The following SH3BP4 variants were observed in gnomAD, a reference collection of about 807,000 sequenced individuals.
SH3BP4 encodes SH3 domain-binding protein 4.
Under a neutral mutation model 65.5 loss-of-function variants are expected in SH3BP4, and 33 were observed. The observed-to-expected ratio is 0.50, with a 90% CI of 0.38 to 0.67. The LOEUF is 0.67. Ranked by LOEUF, SH3BP4 falls within the 30% of genes least tolerant of loss-of-function variation. The probability of loss-of-function intolerance (pLI) is 0.00; values close to 1 mark genes in which losing one functional copy is unlikely to be tolerated. For synonymous variants in SH3BP4, 552 were observed against 545.5 expected, an observed-to-expected ratio of 1.01 and a Z score of -0.17; for missense variants, 1,134 against 1,261.4, an observed-to-expected ratio of 0.90 and a Z score of 1.53.
At chr2:234,955,395 C>T (rs910272952) in intron 1 of SH3BP4, among the ~76,000 whole-genome samples, 1 of 152,126 alleles carries the variant, frequency 6.6e-6, no homozygotes, top group Non-Finnish European at 1.5e-5. Context: ...CATCTAGCCC[C>T]CAAATACCCA....
chr2:235,026,867 GC>G lies in SH3BP4; in HGVS notation c.-132-8002del, dbSNP rs1256130607. On this transcript the variant is annotated intron_variant, in intron 2 of 5. Coordinates refer to ENST00000392011, the MANE Select transcript of SH3BP4 (RefSeq NM_014521.3). The surrounding 1 kb of genome is among the most constrained non-coding windows in gnomAD (Gnocchi z 4.6). ...GGCGTGCCTGTCGGTGGCTGCCCAT[GC>G]CTTCCGATGGGCCTTGCTGTTTTCT... Among the ~76,000 whole-genome samples, 1 of 152,188 alleles carries G rather than the reference GC, an allele frequency of 6.6e-6. No homozygotes were observed. Among genetic ancestry groups the G allele is most frequent in the Non-Finnish European group, 1.5e-5 (1 of 68,038 alleles).
intron 2 of SH3BP4, among the ~76,000 whole-genome samples, chr2:235,020,664 C>A: frequency 6.6e-6 from 1 of 152,186 alleles, no homozygotes; most frequent in East Asian, 1.9e-4. Context: ...ATTTTGAGTC[C>A]TCTTCCGACT....
At chr2:235,028,687 G>A (rs936249289) in intron 2 of SH3BP4, among the ~76,000 whole-genome samples, 10 of 152,172 alleles carry the variant, frequency 6.6e-5, no homozygotes, top group African/African-American at 2.4e-4. Flanking sequence ...ACAAGTCTGT[G>A]CATGGTGTGT....
chr2:234,978,004 G>A lies in SH3BP4; in HGVS notation c.-206-17299G>A, dbSNP rs1322156892. Among the ~76,000 whole-genome samples, 2 of 152,118 alleles carry A rather than the reference G, an allele frequency of 1.3e-5. No homozygotes were observed. Among genetic ancestry groups the A allele is most frequent in the African/African-American group, 4.8e-5 (2 of 41,422 alleles). ...GAGTTTGGCTCTTGTTGGCCAGGCT[G>A]GAGTGCAGTGGCGCCATCTCTGCTC... On this transcript the variant is annotated intron_variant, in intron 1 of 5. Transcript: ENST00000392011. The surrounding 1 kb of genome is among the most constrained non-coding windows in gnomAD (Gnocchi z 4.1).
chr2:235,038,654 T>C (rs1435630216), intron 3 of SH3BP4, among the ~76,000 whole-genome samples: 2 of 151,744 alleles, frequency 1.3e-5, no homozygotes, highest in African/African-American at 4.8e-5. Context: ...GCAAGTGTCA[T>C]GAGCTGGAGG....
intron 2 of SH3BP4, among the ~76,000 whole-genome samples, chr2:235,004,173 CTCAG>C (rs1223388196): frequency 6.6e-6 from 1 of 152,178 alleles, no homozygotes; most frequent in African/African-American, 2.4e-5. Context: ...AAAATATGCT[CTCAG>C]TGTCACAGTT....
chr2:235,022,971 C>G (rs985121608), intron 2 of SH3BP4, among the ~76,000 whole-genome samples: 1 of 152,146 alleles, frequency 6.6e-6, no homozygotes, highest in South Asian at 2.1e-4. Flanking sequence ...ATCTTTCTAG[C>G]CAGTAGCCCA....
chr2:235,053,633 C>A lies in SH3BP4; in HGVS notation c.2709C>A (p.Ser903Arg), dbSNP rs1358953953. 6.2e-7 allele frequency: 1 copy of A among 1,614,184 alleles called. No individual in the cohort carries two copies. Among genetic ancestry groups the A allele is most frequent in the East Asian group, 2.2e-5 (1 of 44,880 alleles). Residue 903 changes from serine to arginine, a missense_variant, in exon 6 of 6, where the codon AGC becomes AGA. Transcript: ENST00000392011. ...KPAYDFLLTWSHQIGDSYRDV... is the reference protein window; with the variant it reads ...KPAYDFLLTWRHQIGDSYRDV... ...CGTATGACTTCTTACTCACCTGGAGCCATCAGATCGGGGACAGCTACCGGG... is the reference window on the plus strand; with the variant it reads ...CGTATGACTTCTTACTCACCTGGAGACATCAGATCGGGGACAGCTACCGGG...
intron 2 of SH3BP4, among the ~76,000 whole-genome samples, chr2:235,031,342 A>G (rs1296950324): frequency 6.6e-6 from 1 of 152,146 alleles, no homozygotes; most frequent in Non-Finnish European, 1.5e-5. Context: ...CCCATCATCA[A>G]TAATAAACAC....
chr2:235,046,601 AGTTT>A lies in SH3BP4; in HGVS notation c.2478+3359_2478+3362del, dbSNP rs1357358210. Among the ~76,000 whole-genome samples the A allele has an allele frequency of 6.6e-6, 1 of 152,080 alleles. No individual in the cohort carries two copies. Among genetic ancestry groups the A allele is most frequent in the Non-Finnish European group, 1.5e-5 (1 of 68,016 alleles). ...ATAAAGGAAGAGAAGAAAAGAAACA[AGTTT>A]GTTTATGTTCTTGTGCACTTGTTTC... On this transcript the variant is annotated intron_variant, in intron 4 of 5. Coordinates refer to ENST00000392011, the MANE Select transcript of SH3BP4 (RefSeq NM_014521.3). This position sits in a 1 kb window ranked among gnomAD's most constrained non-coding sequence, Gnocchi z 4.2.
chr2:235,039,593 G>A (rs1695572054), intron 3 of SH3BP4, among the ~76,000 whole-genome samples: 1 of 152,096 alleles, frequency 6.6e-6, no homozygotes, highest in Non-Finnish European at 1.5e-5. Context: ...AGTTTGGGAG[G>A]TGGGGGAGGG....
chr2:235,032,900 C>T (rs1399555070), intron 2 of SH3BP4, among the ~76,000 whole-genome samples: 1 of 152,200 alleles, frequency 6.6e-6, no homozygotes, highest in Non-Finnish European at 1.5e-5. Context: ...AGCACACAGA[C>T]CTGACCGTCG....
chr2:235,042,701 G>T lies in SH3BP4; in HGVS notation c.1932G>T (p.Lys644Asn), dbSNP rs1286577461. 1 of 1,614,188 alleles carries T rather than the reference G, an allele frequency of 6.2e-7. No individual in the cohort carries two copies. Among genetic ancestry groups the T allele is most frequent in the South Asian group, 1.1e-5 (1 of 91,084 alleles). The change falls in exon 4 of 6, where the codon AAG (lysine) becomes AAT (asparagine). Residue 644 changes from lysine to asparagine, a missense_variant. Lys to Asn is a moderately conservative substitution (Grantham distance 94). Transcript: ENST00000392011. This position sits in a 1 kb window ranked among gnomAD's most constrained non-coding sequence, Gnocchi z 7.3. ...IILSPFATTTKYPTFQDRPVS... is the reference protein window; with the variant it reads ...IILSPFATTTNYPTFQDRPVS... ...TGTCCCCGTTTGCCACCACTACAAA[G>T]TACCCGACTTTCCAGGACCGCCCGG...
intron 1 of SH3BP4, among the ~76,000 whole-genome samples, chr2:234,975,900 G>A (rs1051325858): frequency 5.9e-5 from 9 of 152,098 alleles, no homozygotes; most frequent in African/African-American, 1.7e-4. Context: ...ATAAATAAAA[G>A]TAGTTTGACC....
At chr2:235,002,946 C>T (rs576937299) in intron 2 of SH3BP4, among the ~76,000 whole-genome samples, 11 of 152,356 alleles carry the variant, frequency 7.2e-5, no homozygotes, top group African/African-American at 2.6e-4. Flanking sequence ...AACAGGAATG[C>T]TGATTCCGTT....
intron 2 of SH3BP4, among the ~76,000 whole-genome samples, chr2:235,002,366 T>C (rs1454815993): frequency 1.3e-5 from 2 of 152,154 alleles, no homozygotes; most frequent in African/African-American, 4.8e-5. Flanking sequence ...GACAGGTGGG[T>C]TGAGCCAAAT....
intron 2 of SH3BP4, among the ~76,000 whole-genome samples, chr2:235,008,863 A>G (rs1357199774): frequency 6.6e-6 from 1 of 152,150 alleles, no homozygotes; most frequent in Non-Finnish European, 1.5e-5. Flanking sequence ...TTAAAAAAGA[A>G]AGCAATGGGA....
Position 235,042,642 on chromosome 2 carries a change from T to C in SH3BP4, c.1873T>C (p.Phe625Leu). 1 of 1,612,402 alleles carries C rather than the reference T, an allele frequency of 6.2e-7. No homozygotes were observed. The highest frequency in any genetic ancestry group is 8.5e-7 in the Non-Finnish European group (1 of 1,179,660). ...SAIKPSGQRR[F>L]LKKNEVGKII... ...CATCAAGCCTTCCGGGCAAAGGAGGTTTCTCAAGAAGAACGAAGTCGGGAA... is the reference window on the plus strand; with the variant it reads ...CATCAAGCCTTCCGGGCAAAGGAGGCTTCTCAAGAAGAACGAAGTCGGGAA... The change falls in exon 4 of 6, where the codon TTT (phenylalanine) becomes CTT (leucine). Residue 625 changes from phenylalanine to leucine, a missense_variant. Transcript: ENST00000392011. The surrounding 1 kb of genome is among the most constrained non-coding windows in gnomAD (Gnocchi z 7.3).
At chr2:234,965,802 T>C (rs1000768821) in intron 1 of SH3BP4, among the ~76,000 whole-genome samples, 2 of 152,198 alleles carry the variant, frequency 1.3e-5, no homozygotes, top group Admixed American at 1.3e-4. Context: ...AAAATTCTGA[T>C]TTACTGCTCA....
Sources: allele counts gnomAD v4.1 joint callset (sites outside exome capture counted in the v4.1 genomes callset), GRCh38; gene constraint gnomAD v4.1.1; non-coding constraint Gnocchi (gnomAD v3.1); transcripts MANE v1.5; gene names NCBI Gene and HGNC (gene_info 2026-07-23, HGNC 2026-07-21).